Variants in CCR5AS observed in about 807,000 individuals in gnomAD.
CCR5AS encodes CCR5 antisense RNA.
chr3:46,403,138 T>C (rs1702017366), intron 1 of CCR5AS, among the ~76,000 whole-genome samples: 1 of 152,248 alleles, frequency 6.6e-6, no homozygotes, highest in Admixed American at 6.5e-5. Context: ...ATCTAATCTG[T>C]CATTGATGGG....
At chr3:46,372,544 A>G (rs41515644) in intron 2 of CCR5AS, 50,407 of 170,364 alleles carry the variant, frequency 0.3, 8,490 homozygotes, top group East Asian at 0.54. Context: ...AACAACAACA[A>G]CAACAAAAAG....
intron 2 of CCR5AS, among the ~76,000 whole-genome samples, chr3:46,379,935 A>AATAAATAG (rs1553655175): frequency 2.3e-4 from 34 of 150,518 alleles, no homozygotes; most frequent in Admixed American, 1.7e-3. Context: ...TAAATAAATA[A>AATAAATAG]ATAGTAAATG....
At chr3:46,370,277 G>A (rs1701644311) in intron 3 of CCR5AS, among the ~76,000 whole-genome samples, 1 of 152,138 alleles carries the variant, frequency 6.6e-6, no homozygotes. Flanking sequence ...AAGATCCTGG[G>A]TCCAGAAAAA....
At chr3:46,368,970 G>A (rs962503700) in intron 3 of CCR5AS, among the ~76,000 whole-genome samples, 5 of 152,288 alleles carry the variant, frequency 3.3e-5, no homozygotes, top group Middle Eastern at 3.4e-3. Context: ...GATTACCAGT[G>A]AATACAAGGC....
intron 2 of CCR5AS, among the ~76,000 whole-genome samples, chr3:46,390,058 A>G (rs1254662739): frequency 6.6e-6 from 1 of 152,146 alleles, no homozygotes; most frequent in African/African-American, 2.4e-5. Flanking sequence ...CATATTGAAT[A>G]AGGTGGGAGG....
At chr3:46,396,208 A>G (rs1433285885) in intron 1 of CCR5AS, among the ~76,000 whole-genome samples, 2 of 152,154 alleles carry the variant, frequency 1.3e-5, no homozygotes, top group Non-Finnish European at 2.9e-5. Context: ...TTTCTTATCT[A>G]TTTAAGATGA....
intron 2 of CCR5AS, among the ~76,000 whole-genome samples, chr3:46,386,369 C>T (rs1391195439): frequency 6.6e-6 from 1 of 152,216 alleles, no homozygotes; most frequent in Non-Finnish European, 1.5e-5. Context: ...AGGGACCTCC[C>T]CTAATCCACT....
At chr3:46,373,223 C>G in intron 2 of CCR5AS, 1 of 1,614,170 alleles carries the variant, frequency 6.2e-7, no homozygotes, top group Non-Finnish European at 8.5e-7. Flanking sequence ...TGACAGGGCT[C>G]TATTTTATAG....
intron 1 of CCR5AS, among the ~76,000 whole-genome samples, chr3:46,406,412 C>T (rs955834353): frequency 9.9e-5 from 15 of 151,914 alleles, no homozygotes; most frequent in African/African-American, 3.1e-4. Flanking sequence ...TCTTCCAGAC[C>T]GTGCCCTCCC....
chr3:46,380,363 A>G (rs1202293688), intron 2 of CCR5AS, among the ~76,000 whole-genome samples: 1 of 152,224 alleles, frequency 6.6e-6, no homozygotes, highest in African/African-American at 2.4e-5. Context: ...GTACAAGAGG[A>G]AAGGAGAAAA....
intron 1 of CCR5AS, among the ~76,000 whole-genome samples, chr3:46,400,287 A>T (rs1216916863): frequency 1.2e-4 from 18 of 152,164 alleles, no homozygotes; most frequent in Non-Finnish European, 2.5e-4. Context: ...CCGGCTGCTA[A>T]GTGGTTTTAA....
At chr3:46,405,859 G>C (rs7615686) in intron 1 of CCR5AS, among the ~76,000 whole-genome samples, 3 of 148,950 alleles carry the variant, frequency 2.0e-5, no homozygotes, top group African/African-American at 5.0e-5. Flanking sequence ...TCCTCTCCCC[G>C]CCCCTCCTCC....
chr3:46,373,991 C>T, intron 2 of CCR5AS: 1 of 1,496,988 alleles, frequency 6.7e-7, no homozygotes, highest in Non-Finnish European at 9.0e-7. Context: ...GTGACCCAGT[C>T]AGAGTTGTGC....
chr3:46,374,144 A>C (rs1701719275), intron 2 of CCR5AS: 1 of 427,278 alleles, frequency 2.3e-6, no homozygotes. Flanking sequence ...TTTTAAGCCC[A>C]TCAATTATAG....
intron 2 of CCR5AS, among the ~76,000 whole-genome samples, chr3:46,391,381 T>A (rs547670642): frequency 6.6e-6 from 1 of 152,330 alleles, no homozygotes; most frequent in South Asian, 2.1e-4. Flanking sequence ...AAGGCGAGGG[T>A]AATTAAATCC....
chr3:46,396,283 A>T (rs1226652298), intron 1 of CCR5AS, among the ~76,000 whole-genome samples: 1 of 151,856 alleles, frequency 6.6e-6, no homozygotes, highest in Non-Finnish European at 1.5e-5. Flanking sequence ...TTCACACTCC[A>T]ATGATGATGG....
intron 2 of CCR5AS, among the ~76,000 whole-genome samples, chr3:46,378,507 A>G (rs1481359827): frequency 6.6e-6 from 1 of 151,992 alleles, no homozygotes. Context: ...TGAATCTTTT[A>G]CAAGCTAGGA....
intron 2 of CCR5AS, among the ~76,000 whole-genome samples, chr3:46,387,538 C>T (rs753357649): frequency 4.6e-5 from 7 of 152,144 alleles, no homozygotes; most frequent in Non-Finnish European, 1.0e-4. Context: ...TGCTTGAGCT[C>T]AAGAGTTCAA....
At chr3:46,378,875 G>A (rs2187672) in intron 2 of CCR5AS, among the ~76,000 whole-genome samples, 1 of 152,070 alleles carries the variant, frequency 6.6e-6, no homozygotes, top group African/African-American at 2.4e-5. Context: ...TTGTGACTAA[G>A]CATTTTTCAT....
Sources: allele counts gnomAD v4.1 joint callset (sites outside exome capture counted in the v4.1 genomes callset), GRCh38; gene constraint gnomAD v4.1.1; transcripts MANE v1.5; gene names NCBI Gene and HGNC (gene_info 2026-07-23, HGNC 2026-07-21).